The following KSR2 variants were observed in gnomAD, a reference collection of about 807,000 sequenced individuals.
KSR2 encodes the protein kinase suppressor of ras 2.
Under a neutral mutation model 107.8 loss-of-function variants are expected in KSR2, and 25 were observed. The observed-to-expected ratio is 0.23, with a 90% CI of 0.17 to 0.32. The LOEUF is 0.32. Ranked by LOEUF, KSR2 falls within the 10% of genes least tolerant of loss-of-function variation. The pLI is 1.00. For missense variants in KSR2, 887 were observed against 1,268.9 expected (o/e 0.70, Z 4.57); for synonymous variants, 480 against 507.0 (o/e 0.95, Z 0.71).
intron 1 of KSR2, among the ~76,000 whole-genome samples, chr12:117,867,961 T>G (rs747942290): frequency 2.0e-5 from 3 of 152,190 alleles, no homozygotes; most frequent in Non-Finnish European, 4.4e-5. Context: ...ACCTTATAAA[T>G]TCTTTCTTGG....
At chr12:117,827,034 CA>C (rs58583797) in intron 3 of KSR2, among the ~76,000 whole-genome samples, 264 of 103,560 alleles carry the variant, frequency 2.5e-3, no homozygotes, top group South Asian at 0.021. Context: ...GACCCTGTCT[CA>C]AAAAAAAAAA....
At chr12:117,882,649 CTATCCATTTATT>C in intron 1 of KSR2, among the ~76,000 whole-genome samples, 4 of 151,496 alleles carry the variant, frequency 2.6e-5, no homozygotes, top group African/African-American at 9.7e-5. Context: ...AACAATCCAT[CTATCCATTTATT>C]CATCCAACCA....
chr12:117,525,167 A>G lies in KSR2; in HGVS notation c.1904T>C (p.Met635Thr). ...CCGGGCCGAGAGGAGGGACAGGTTC[A>G]TCTCCTCGAAGTCATCCTCTGACTC... ...AEESEDDFEE[M>T]NLSLLSARSF... The change falls in exon 14 of 20, where the codon ATG becomes ACG. Residue 635 changes from methionine (M) to threonine (T), a missense_variant. Around this residue, in one of 8 missense-constraint regions of KSR2, gnomAD observed 308 missense variants for 506.2 expected, o/e 0.61. Coordinates refer to ENST00000339824, the MANE Select transcript of KSR2 (RefSeq NM_173598.6). The G allele has an allele frequency of 6.2e-7, 1 of 1,613,788 alleles. No homozygotes were observed. The highest frequency in any genetic ancestry group is 8.5e-7 in the Non-Finnish European group (1 of 1,179,780).
intron 7 of KSR2, among the ~76,000 whole-genome samples, chr12:117,573,005 C>G (rs1292200579): frequency 6.6e-6 from 1 of 152,210 alleles, no homozygotes; most frequent in East Asian, 1.9e-4. Flanking sequence ...TGCTGACATT[C>G]TACACTCAGA....
intron 5 of KSR2, among the ~76,000 whole-genome samples, chr12:117,610,309 A>C (rs11068571): frequency 0.44 from 66,565 of 152,004 alleles, 15,385 homozygotes; most frequent in South Asian, 0.68. Flanking sequence ...AAAGCTCTGT[A>C]GCTGGGCAGA....
intron 1 of KSR2, among the ~76,000 whole-genome samples, chr12:117,912,974 AAC>A (rs1264598493): frequency 1.3e-5 from 2 of 152,180 alleles, no homozygotes; most frequent in Non-Finnish European, 2.9e-5. Context: ...CAGTTCTGAA[AAC>A]AGTTTGTTCC....
intron 14 of KSR2, among the ~76,000 whole-genome samples, chr12:117,509,928 T>A (rs1043094765): frequency 2.6e-5 from 4 of 152,202 alleles, no homozygotes; most frequent in Non-Finnish European, 5.9e-5. Context: ...TCTACTGCCA[T>A]CAAAGGGAGA....
intron 9 of KSR2, among the ~76,000 whole-genome samples, chr12:117,543,719 A>G (rs1876661371): frequency 6.6e-6 from 1 of 152,338 alleles, no homozygotes. Flanking sequence ...ACAAAGTACC[A>G]TAAACTGAGT....
In KSR2 at chr12:117,605,480, A is replaced by G. The variant is rs565045330; in HGVS notation, c.1172-23121T>C. Among the ~76,000 whole-genome samples the G allele has an allele frequency of 2.1e-3, 323 of 152,302 alleles. 3 individuals are homozygous for G. The highest frequency in any genetic ancestry group is 3.9e-3 in the Non-Finnish European group (262 of 68,016). On this transcript the variant is annotated intron_variant, in intron 5 of 19. Transcript: ENST00000339824. ...TGTGCCATGGTGGTTTGCTACACCT[A>G]TCAACCCATCACCTAGGTATTAAGC...
intron 5 of KSR2, among the ~76,000 whole-genome samples, chr12:117,602,205 T>G (rs1484983948): frequency 2.7e-5 from 4 of 147,468 alleles, no homozygotes; most frequent in Admixed American, 2.6e-4. Flanking sequence ...GTGGGCCAGG[T>G]TTTTTTTGTT....
chr12:117,592,818 G>C (rs1006791401), intron 5 of KSR2, among the ~76,000 whole-genome samples: 2 of 152,172 alleles, frequency 1.3e-5, no homozygotes, highest in Non-Finnish European at 2.9e-5. Context: ...GGTCGGGTAG[G>C]GCAAGGGGTG....
At chr12:117,797,109 C>T (rs939498395) in intron 3 of KSR2, among the ~76,000 whole-genome samples, 43 of 152,252 alleles carry the variant, frequency 2.8e-4, no homozygotes, top group African/African-American at 9.4e-4. Flanking sequence ...CATAGAATGA[C>T]CACAGGACAG....
chr12:117,637,675 GTTTTTTTT>G (rs56169273), intron 5 of KSR2, among the ~76,000 whole-genome samples: 8 of 92,110 alleles, frequency 8.7e-5, no homozygotes, highest in African/African-American at 3.4e-4. Context: ...TCAGTTTTGG[GTTTTTTTT>G]TTTTTTTTTT....
chr12:117,468,124 T>C (rs1161137121), intron 19 of KSR2, among the ~76,000 whole-genome samples: 1 of 152,162 alleles, frequency 6.6e-6, no homozygotes, highest in Non-Finnish European at 1.5e-5. Context: ...CTTCTGTCTG[T>C]TTTCATATCC....
At chr12:117,966,693 CCTCT>C (rs34813956) in intron 1 of KSR2, among the ~76,000 whole-genome samples, 3 of 148,570 alleles carry the variant, frequency 2.0e-5, no homozygotes, top group African/African-American at 2.5e-5. Flanking sequence ...TTTCTCCCTC[CCTCT>C]CTCTCTCTCT....
At chr12:117,503,149 A>G (rs1419064998) in intron 14 of KSR2, among the ~76,000 whole-genome samples, 2 of 151,826 alleles carry the variant, frequency 1.3e-5, no homozygotes, top group African/African-American at 4.9e-5. Flanking sequence ...AGGAGCTTGG[A>G]ATTTGAAGTC....
intron 1 of KSR2, among the ~76,000 whole-genome samples, chr12:117,959,132 T>G (rs1205385160): frequency 6.6e-6 from 1 of 152,202 alleles, no homozygotes; most frequent in Non-Finnish European, 1.5e-5. Context: ...TATGTATTAA[T>G]TAAACAATAA....
chr12:117,936,047 T>C (rs1298902712), intron 1 of KSR2, among the ~76,000 whole-genome samples: 2 of 152,148 alleles, frequency 1.3e-5, no homozygotes, highest in Admixed American at 1.3e-4. Flanking sequence ...ATTGAACTTT[T>C]TTTTTTTGAG....
intron 1 of KSR2, among the ~76,000 whole-genome samples, chr12:117,898,782 C>G (rs1274991620): frequency 6.6e-6 from 1 of 151,788 alleles, no homozygotes; most frequent in Non-Finnish European, 1.5e-5. Context: ...TTTGCAACAA[C>G]ATGGAGGGAA....
Sources: allele counts gnomAD v4.1 joint callset (sites outside exome capture counted in the v4.1 genomes callset), GRCh38; gene constraint gnomAD v4.1.1; regional missense constraint gnomAD v4.1.1; transcripts MANE v1.5; gene names NCBI Gene and HGNC (gene_info 2026-07-23, HGNC 2026-07-21).